VPS50: variants seen among roughly 807,000 people sequenced by gnomAD.
VPS50 encodes syndetin.
In VPS50, 70 loss-of-function variants were observed where a neutral mutation model predicts 139.7. That is an observed-to-expected ratio of 0.50 (90% CI 0.41 to 0.61). The LOEUF (loss-of-function observed/expected upper bound fraction) is 0.61. Ranked by LOEUF, VPS50 falls within the 20% of genes least tolerant of loss-of-function variation. The pLI is 0.00. For missense variants in VPS50, 921 were observed against 1,133.7 expected (o/e 0.81, Z 2.69); for synonymous variants, 365 against 376.7 (o/e 0.97, Z 0.36).
rs566911618 is a variant in VPS50, at chr7:93,241,140, C to CA, written c.102+1208dup. On this transcript the variant is annotated intron_variant, in intron 2 of 27. Coordinates refer to ENST00000305866, the MANE Select transcript of VPS50 (RefSeq NM_017667.4). Reference sequence around the variant, plus strand: ...TAGATTGTATTACATATTGCAGAATCAATGTCAAATTGATGAGTGAGCCTC... The same window carrying CA: ...TAGATTGTATTACATATTGCAGAATCAAATGTCAAATTGATGAGTGAGCCTC... Among the ~76,000 whole-genome samples, 459 of 152,170 alleles carry CA rather than the reference C, an allele frequency of 3.0e-3. 2 individuals carry two copies. Among genetic ancestry groups the CA allele is most frequent in the African/African-American group, 9.2e-3 (384 of 41,526 alleles).
intron 21 of VPS50, among the ~76,000 whole-genome samples, chr7:93,328,888 T>G (rs1363330187): frequency 2.0e-5 from 3 of 151,930 alleles, no homozygotes; most frequent in Non-Finnish European, 4.4e-5. Flanking sequence ...CCATGATCCA[T>G]GATTATATGG....
In VPS50 at chr7:93,240,249, A is replaced by ACTCT. The variant is rs4015280; in HGVS notation, c.102+333_102+336dup. Among the ~76,000 whole-genome samples, 568 of 109,350 alleles carry ACTCT rather than the reference A, an allele frequency of 5.2e-3. 7 individuals are homozygous for ACTCT. Among genetic ancestry groups the ACTCT allele is most frequent in the East Asian group, 0.027 (100 of 3,668 alleles). 71.7% of individuals were successfully genotyped at this position (109,350 alleles called of 152,430 possible). A position where few individuals can be genotyped will look rare whatever the true frequency, so the allele number is the denominator to read the frequency against. On this transcript the variant is annotated intron_variant, in intron 2 of 27. Coordinates refer to ENST00000305866, the MANE Select transcript of VPS50 (RefSeq NM_017667.4). Reference sequence around the variant, plus strand: ...CACACACACACACACACACACACACACTCTCTCTCTCTCTCTCTCTCATTG... The same window carrying ACTCT: ...CACACACACACACACACACACACACACTCTCTCTCTCTCTCTCTCTCTCTCATTG...
At chr7:93,328,518 C>T (rs1020141647) in intron 21 of VPS50, among the ~76,000 whole-genome samples, 4 of 152,076 alleles carry the variant, frequency 2.6e-5, no homozygotes, top group Non-Finnish European at 5.9e-5. Context: ...CTGCAGAAAA[C>T]AACTATAAAA....
chr7:93,237,441 T>G (rs559924094), intron 1 of VPS50, among the ~76,000 whole-genome samples: 2 of 152,328 alleles, frequency 1.3e-5, no homozygotes, highest in Admixed American at 1.3e-4. Context: ...CAATTTGTAT[T>G]ACTTTTATTT....
At chr7:93,248,502 A>C (rs563432130) in intron 2 of VPS50, among the ~76,000 whole-genome samples, 76 of 152,256 alleles carry the variant, frequency 5.0e-4, no homozygotes, top group African/African-American at 1.8e-3. Context: ...AAATCAGTTC[A>C]CATCGTTATC....
intron 9 of VPS50, chr7:93,271,009 T>G (rs572588340): frequency 1.7e-6 from 1 of 598,494 alleles, no homozygotes; most frequent in African/African-American, 1.9e-5. Context: ...TTCTTTCTAC[T>G]CACGCAATCC....
At chr7:93,258,453 C>G in intron 8 of VPS50, 61 bp downstream of exon 8, 1 of 1,303,540 alleles carries the variant, frequency 7.7e-7, no homozygotes, top group South Asian at 1.3e-5. Flanking sequence ...GTAAAGCAGA[C>G]AAAATTCAGA....
intron 16 of VPS50, among the ~76,000 whole-genome samples, chr7:93,297,702 A>G (rs1236392826): frequency 6.6e-6 from 1 of 152,188 alleles, no homozygotes; most frequent in Non-Finnish European, 1.5e-5. Flanking sequence ...CCAAATTTGT[A>G]TACTGCATTG....
At chr7:93,317,474 GAGGTTGCAGCAAGCCA>G (rs760537721) in intron 20 of VPS50, among the ~76,000 whole-genome samples, 70 of 152,280 alleles carry the variant, frequency 4.6e-4, no homozygotes, top group South Asian at 8.3e-4. Flanking sequence ...CCAGGAGGCA[GAGGTTGCAGCAAGCCA>G]AGGTTGCAGC....
At chr7:93,252,802 C>G (rs771291834) in intron 3 of VPS50, 27 bp downstream of exon 3, 5 of 1,554,646 alleles carry the variant, frequency 3.2e-6, no homozygotes, top group Middle Eastern at 2.0e-4. Context: ...TAAAACATAA[C>G]TAAGGCCTGT....
chr7:93,349,796 G>A (rs868274615), intron 24 of VPS50, 79 bp from the exon 25 acceptor site: 2 of 1,033,410 alleles, frequency 1.9e-6, no homozygotes, highest in Non-Finnish European at 1.4e-6. Context: ...GATATATACT[G>A]GAAACAGGGG....
chr7:93,241,981 GA>G (rs1376843129), intron 2 of VPS50, among the ~76,000 whole-genome samples: 1 of 151,628 alleles, frequency 6.6e-6, no homozygotes, highest in African/African-American at 2.4e-5. Context: ...TAACAAAATG[GA>G]AAATGTTAAT....
rs1020474414 is a variant in VPS50, at chr7:93,355,951, A to G, written c.2646A>G (p.Gln882=). 16 of 1,604,670 alleles carry G rather than the reference A, an allele frequency of 1.0e-5. 2 individuals are homozygous for G. In the East Asian group the frequency reaches 1.3e-4, roughly 13 times the overall value. ...EGRALMQLDF[Q]QFLMKLEKLT... Reference sequence around the variant, plus strand: ...GTGCCCTGATGCAATTGGATTTTCAACAGTTTTTAATGAAACTTGAAAAAC... The same window carrying G: ...GTGCCCTGATGCAATTGGATTTTCAGCAGTTTTTAATGAAACTTGAAAAAC... Residue 882 remains glutamine (Q), a synonymous_variant, in exon 27 of 28, where the codon CAA becomes CAG. Coordinates refer to ENST00000305866, the MANE Select transcript of VPS50 (RefSeq NM_017667.4).
Position 93,296,765 on chromosome 7 carries a change from CTACT to C in VPS50, c.1193_1196del (p.Tyr398CysfsTer20). On this transcript the variant is annotated frameshift_variant, in exon 15 of 28. Coordinates refer to ENST00000305866, the MANE Select transcript of VPS50 (RefSeq NM_017667.4). LOFTEE classifies it high-confidence loss of function. Reference sequence around the variant, plus strand: ...AGGATGTTCAGCTAAAAGTAAAAACCTACTTGCTTGGAACTGATTTGTCTATATT... The same window carrying C: ...AGGATGTTCAGCTAAAAGTAAAAACCTGCTTGGAACTGATTTGTCTATATT... 6.2e-7 allele frequency: 1 copy of C among 1,603,782 alleles called. No homozygotes were observed. The highest frequency in any genetic ancestry group is 8.5e-7 in the Non-Finnish European group (1 of 1,177,676).
intron 12 of VPS50, among the ~76,000 whole-genome samples, chr7:93,282,433 C>T (rs766173556): frequency 1.3e-5 from 2 of 152,044 alleles, no homozygotes; most frequent in Non-Finnish European, 2.9e-5. Flanking sequence ...GGATAAATCA[C>T]GAGAAATGAA....
intron 12 of VPS50, among the ~76,000 whole-genome samples, chr7:93,282,463 C>T (rs1378791155): frequency 6.6e-6 from 1 of 152,102 alleles, no homozygotes; most frequent in Non-Finnish European, 1.5e-5. Flanking sequence ...TCTGTCAAAG[C>T]TTTACATTTT....
rs75758985 is a variant in VPS50 at position 93,358,593 on chromosome 7, T to C, written c.*157T>C. On this transcript the variant is annotated 3_prime_UTR_variant, in exon 28 of 28. Coordinates refer to ENST00000305866, the MANE Select transcript of VPS50 (RefSeq NM_017667.4). ...GGAAAATATTGAAATGTGTGTGGTG[T>C]TCTCATGACTTTTATATGCTGTGGT... 3,707 of 625,848 alleles carry C rather than the reference T, an allele frequency of 5.9e-3. 20 individuals carry two copies. Among genetic ancestry groups the C allele is most frequent in the South Asian group, 0.017 (854 of 49,872 alleles). The allele number at this position is 625,848 out of a possible 1,614,324, so 38.8% of individuals were successfully genotyped here.
intron 16 of VPS50, among the ~76,000 whole-genome samples, chr7:93,298,687 T>C (rs1796884234): frequency 6.6e-6 from 1 of 152,232 alleles, no homozygotes; most frequent in Non-Finnish European, 1.5e-5. Context: ...TTGACCATGA[T>C]GGAAATTCCT....
intron 23 of VPS50, among the ~76,000 whole-genome samples, chr7:93,347,966 GTAT>G (rs1269979543): frequency 6.7e-6 from 1 of 149,596 alleles, no homozygotes; most frequent in East Asian, 2.0e-4. Context: ...CCCTAAAAAA[GTAT>G]TATAATAATA....
Sources: gnomAD v4.1 joint callset for allele counts (sites outside exome capture counted in the v4.1 genomes callset) on GRCh38, gnomAD v4.1.1 for gene constraint, MANE v1.5 for transcripts, NCBI Gene and HGNC (gene_info 2026-07-23, HGNC 2026-07-21) for gene names.